The following RLF variants were observed in gnomAD, a reference collection of about 807,000 sequenced individuals.
RLF encodes zinc finger protein Rlf.
RLF carries 7 observed loss-of-function variants against 162.9 expected under a neutral mutation model. That is an observed-to-expected ratio of 0.04 (90% CI 0.02 to 0.08). The LOEUF is 0.08. RLF is among the 10% of genes least tolerant of loss of function. RLF has a pLI of 1.00. For synonymous variants in RLF, 782 were observed against 791.5 expected (o/e 0.99, Z 0.20); for missense variants, 1,664 against 2,244.7 (o/e 0.74, Z 5.23).
At chr1:40,201,625 CAAAA>C (rs35897680) in intron 4 of RLF, among the ~76,000 whole-genome samples, 22 of 91,498 alleles carry the variant, frequency 2.4e-4, no homozygotes, top group African/African-American at 6.3e-4. Flanking sequence ...GACTTCATCT[CAAAA>C]AAAAAAAAAA....
intron 1 of RLF, among the ~76,000 whole-genome samples, chr1:40,179,019 G>T (rs544593485): frequency 1.1e-4 from 17 of 152,144 alleles, no homozygotes; most frequent in African/African-American, 4.1e-4. Flanking sequence ...ATTTTTAATA[G>T]AGACAGCATT....
At chr1:40,205,485 C>CCT (rs990825771) in intron 5 of RLF, among the ~76,000 whole-genome samples, 3,889 of 107,070 alleles carry the variant, frequency 0.036, 187 homozygotes, top group African/African-American at 0.14. Flanking sequence ...TTCCTTCCTT[C>CCT]TTTTTTTTTT....
chr1:40,170,567 T>C (rs1178101518), intron 1 of RLF, among the ~76,000 whole-genome samples: 1 of 152,178 alleles, frequency 6.6e-6, no homozygotes, highest in Non-Finnish European at 1.5e-5. Flanking sequence ...TCTTTAGGCA[T>C]GTTTCCTTCA....
intron 1 of RLF, among the ~76,000 whole-genome samples, chr1:40,176,046 A>G (rs1642321318): frequency 6.6e-6 from 1 of 152,116 alleles, no homozygotes; most frequent in Non-Finnish European, 1.5e-5. Flanking sequence ...GTGTCTCTGT[A>G]TAATTATTGA....
rs991143987 is a variant in RLF at position 40,240,898 on chromosome 1, C to G, written c.*451C>G. On this transcript the variant is annotated 3_prime_UTR_variant, in exon 8 of 8. Coordinates refer to ENST00000372771, the MANE Select transcript of RLF (RefSeq NM_012421.4). ...ATCTTATATTTTTTGAGTTGAGTTT[C>G]AATAAATTACAATTTTTCACCCATT... The G allele has an allele frequency of 6.5e-6, 1 of 153,156 alleles. No individual in the cohort carries two copies. Among genetic ancestry groups the G allele is most frequent in the South Asian group, 2.1e-4 (1 of 4,822 alleles). 9.5% of individuals were successfully genotyped at this position (153,156 alleles called of 1,614,324 possible).
rs531744998 is a variant in RLF, at chr1:40,172,452, T to A, written c.237+10816T>A. ...ATGAACTTCCTTAAATATTAAGTGC[T>A]GGTTATTTCTATCTATAATATAAAT... On this transcript the variant is annotated intron_variant, in intron 1 of 7. Coordinates refer to ENST00000372771, the MANE Select transcript of RLF (RefSeq NM_012421.4). Among the ~76,000 whole-genome samples the A allele has an allele frequency of 1.2e-4, 18 of 152,368 alleles. No individual in the cohort carries two copies. In the East Asian group the frequency reaches 3.5e-3, roughly 29 times the overall value.
intron 1 of RLF, among the ~76,000 whole-genome samples, chr1:40,181,002 A>C (rs1030101269): frequency 6.6e-6 from 1 of 152,190 alleles, no homozygotes; most frequent in African/African-American, 2.4e-5. Context: ...TTTTCTCCTG[A>C]AGTTTTATCA....
rs756332014 is a variant in RLF, at chr1:40,239,808, T to G, written c.5106T>G (p.Pro1702=). 2 of 1,614,132 alleles carry G rather than the reference T, an allele frequency of 1.2e-6. No homozygotes were observed. Residue 1702 remains proline, a synonymous_variant, in exon 8 of 8, where the codon CCT becomes CCG. Coordinates refer to ENST00000372771, the MANE Select transcript of RLF (RefSeq NM_012421.4). ...CTTGTAAAATAGAAAATTCCATACC[T>G]AATCCCAATGGGACTGAAAGTGGGA... ...PPPCKIENSI[P]NPNGTESGTY... is the part of the protein sequence containing the mutation.
At chr1:40,221,899 CAAAAAA>C (rs895455745) in intron 5 of RLF, among the ~76,000 whole-genome samples, 2 of 65,046 alleles carry the variant, frequency 3.1e-5, no homozygotes, top group Non-Finnish European at 5.8e-5. Flanking sequence ...GACTCCGTCT[CAAAAAA>C]AAAAAAAAAA....
At chr1:40,192,834 G>A (rs1363783628) in intron 3 of RLF, among the ~76,000 whole-genome samples, 1 of 152,124 alleles carries the variant, frequency 6.6e-6, no homozygotes, top group Non-Finnish European at 1.5e-5. Context: ...GCAGGCTGCA[G>A]GTAGAATATT....
chr1:40,238,248 A>G lies in RLF; in HGVS notation c.3546A>G (p.Thr1182=). The part of the protein sequence containing the change: ...FQCHICQRSF[T]RKTHLRIHYK... ...GTCATATTTGCCAAAGGTCATTTAC[A>G]AGAAAAACACACCTTAGGATTCATT... Residue 1182 remains threonine, a synonymous_variant, in exon 8 of 8, where the codon ACA becomes ACG. Transcript: ENST00000372771. The surrounding 1 kb of genome is among the most constrained non-coding windows in gnomAD (Gnocchi z 5.2). 6.2e-7 allele frequency: 1 copy of G among 1,614,160 alleles called. No individual in the cohort carries two copies. Among genetic ancestry groups the G allele is most frequent in the Non-Finnish European group, 8.5e-7 (1 of 1,179,992 alleles).
chr1:40,181,583 ACT>A (rs1472182709), intron 1 of RLF, among the ~76,000 whole-genome samples: 3 of 152,148 alleles, frequency 2.0e-5, no homozygotes, highest in African/African-American at 7.2e-5. Context: ...TTTATGGATA[ACT>A]CTGTAGTAAT....
chr1:40,179,100 G>T (rs1350236962), intron 1 of RLF, among the ~76,000 whole-genome samples: 1 of 152,214 alleles, frequency 6.6e-6, no homozygotes, highest in Non-Finnish European at 1.5e-5. Context: ...CTCCCAAAAT[G>T]CTGGGATTAC....
intron 1 of RLF, among the ~76,000 whole-genome samples, chr1:40,166,468 T>C (rs973812552): frequency 2.0e-5 from 3 of 151,962 alleles, no homozygotes; most frequent in African/African-American, 4.8e-5. Context: ...ACTAGAAATA[T>C]AGAAATACCA....
At chr1:40,189,257 G>T (rs370889179) in intron 2 of RLF, 48 bp downstream of exon 2, 8 of 1,501,202 alleles carry the variant, frequency 5.3e-6, no homozygotes, top group Non-Finnish European at 2.7e-6. Flanking sequence ...ACCATTGGTC[G>T]TGTTGTTTGC....
chr1:40,174,065 G>A (rs1642282099), intron 1 of RLF, among the ~76,000 whole-genome samples: 1 of 152,114 alleles, frequency 6.6e-6, no homozygotes, highest in African/African-American at 2.4e-5. Context: ...CTTTCCATTA[G>A]CTAACTTTAA....
chr1:40,239,629 C>A lies in RLF; in HGVS notation c.4927C>A (p.His1643Asn). The change falls in exon 8 of 8, where the codon CAT becomes AAT. Residue 1643 changes from histidine to asparagine, a missense_variant. By Grantham distance (68) the His-to-Asn change is moderately conservative (BLOSUM62 1). Around this residue, in one of 15 missense-constraint regions of RLF, gnomAD observed 327 missense variants for 342.7 expected, o/e 0.95. Transcript: ENST00000372771. ...ACCCATCCAGAACACTGATTGCTGTCATTCAAGTGAAAGGGATGGAGGTCA... is the reference window on the plus strand; with the variant it reads ...ACCCATCCAGAACACTGATTGCTGTAATTCAAGTGAAAGGGATGGAGGTCA... ...SAPIQNTDCC[H>N]SSERDGGQKG... 1 of 1,614,144 alleles carries A rather than the reference C, an allele frequency of 6.2e-7. No homozygotes were observed. Among genetic ancestry groups the A allele is most frequent in the South Asian group, 1.1e-5 (1 of 91,074 alleles).
chr1:40,187,514 G>C (rs182164051), intron 1 of RLF, among the ~76,000 whole-genome samples: 8 of 152,234 alleles, frequency 5.3e-5, no homozygotes, highest in Middle Eastern at 3.4e-3. Flanking sequence ...TGAAATTACA[G>C]AAGGGCATTT....
chr1:40,203,639 A>C (rs886281550), intron 5 of RLF, among the ~76,000 whole-genome samples: 1 of 152,016 alleles, frequency 6.6e-6, no homozygotes, highest in Non-Finnish European at 1.5e-5. Flanking sequence ...AGACTTCTCT[A>C]ATGGTTTTTG....
Sources: gnomAD v4.1 joint callset for allele counts (sites outside exome capture counted in the v4.1 genomes callset) on GRCh38, gnomAD v4.1.1 for gene constraint, gnomAD v4.1.1 regional missense constraint, Gnocchi (gnomAD v3.1) non-coding constraint, MANE v1.5 for transcripts, NCBI Gene and HGNC (gene_info 2026-07-23, HGNC 2026-07-21) for gene names.